The following EEPD1 variants were observed in gnomAD, a reference collection of about 807,000 sequenced individuals.
EEPD1 encodes endonuclease/exonuclease/phosphatase family domain containing 1.
A neutral mutation model predicts 46.3 loss-of-function variants in EEPD1; 17 were observed. The observed-to-expected ratio is 0.37, with a 90% CI of 0.25 to 0.55. The LOEUF is 0.55. Ranked by LOEUF, EEPD1 falls within the 20% of genes least tolerant of loss-of-function variation. EEPD1 has a pLI of 0.83. For synonymous variants in EEPD1, 313 were observed against 315.6 expected, an observed-to-expected ratio of 0.99 and a Z score of 0.09; for missense variants, 673 against 745.6, an observed-to-expected ratio of 0.90 and a Z score of 1.13.
intron 2 of EEPD1, among the ~76,000 whole-genome samples, chr7:36,196,992 G>A (rs377233960): frequency 0.22 from 31,985 of 144,190 alleles, 4,166 homozygotes; most frequent in Non-Finnish European, 0.31. Context: ...GCCCCCCATC[G>A]TCTGAGATGT....
chr7:36,294,446 GA>G (rs1279341326), intron 6 of EEPD1, among the ~76,000 whole-genome samples: 2 of 152,044 alleles, frequency 1.3e-5, no homozygotes, highest in East Asian at 3.8e-4. Context: ...TTATTTGCAT[GA>G]AAAAATAAAA....
chr7:36,278,873 C>G (rs963842786), intron 3 of EEPD1, among the ~76,000 whole-genome samples: 2 of 152,184 alleles, frequency 1.3e-5, no homozygotes, highest in Non-Finnish European at 2.9e-5. Flanking sequence ...TCCGCCTTCC[C>G]CACTCCCTCG....
At chr7:36,259,103 C>T (rs763422372) in intron 3 of EEPD1, among the ~76,000 whole-genome samples, 1 of 152,162 alleles carries the variant, frequency 6.6e-6, no homozygotes, top group Non-Finnish European at 1.5e-5. Flanking sequence ...GGAGGGAGTT[C>T]CCGGACCCCT....
chr7:36,282,909 A>ATTATCTATGTG (rs1787282789), intron 4 of EEPD1, among the ~76,000 whole-genome samples: 1 of 152,226 alleles, frequency 6.6e-6, no homozygotes, highest in Non-Finnish European at 1.5e-5. Flanking sequence ...TAATCCAAAA[A>ATTATCTATGTG]AATTTAAACA....
At chr7:36,229,930 C>T (rs1015712643) in intron 2 of EEPD1, among the ~76,000 whole-genome samples, 3 of 152,052 alleles carry the variant, frequency 2.0e-5, no homozygotes, top group South Asian at 2.1e-4. Context: ...TCCTGATGTC[C>T]AAATCTATAG....
chr7:36,212,271 T>C (rs187712024), intron 2 of EEPD1, among the ~76,000 whole-genome samples: 2 of 152,022 alleles, frequency 1.3e-5, no homozygotes, highest in Admixed American at 1.3e-4. Context: ...TCTAAATTGC[T>C]GGGGGGAGTG....
At chr7:36,178,857 CTT>C (rs970549802) in intron 2 of EEPD1, among the ~76,000 whole-genome samples, 5 of 152,322 alleles carry the variant, frequency 3.3e-5, no homozygotes, top group African/African-American at 1.2e-4. Flanking sequence ...AGGGAGATAA[CTT>C]AATCCAAGGC....
At chr7:36,203,287 G>A (rs982782630) in intron 2 of EEPD1, among the ~76,000 whole-genome samples, 8 of 152,166 alleles carry the variant, frequency 5.3e-5, no homozygotes, top group African/African-American at 1.7e-4. Context: ...CACACAGAAG[G>A]GAAGTAGCTC....
intron 2 of EEPD1, among the ~76,000 whole-genome samples, chr7:36,182,232 G>A (rs1245924545): frequency 6.6e-6 from 1 of 152,180 alleles, no homozygotes; most frequent in Non-Finnish European, 1.5e-5. Context: ...GTTCTATAGT[G>A]TTCAGAGCAA....
Position 36,198,927 on chromosome 7 carries a change from T to C in EEPD1, c.879-40058T>C, listed in dbSNP as rs561970819. Among the ~76,000 whole-genome samples the C allele has an allele frequency of 9.9e-4, 150 of 152,066 alleles. 2 individuals are homozygous for C. Among genetic ancestry groups the C allele is most frequent in the African/African-American group, 3.4e-3 (139 of 41,474 alleles). ...CAGCTGGTGGGAGGAGGTGCTCTTC[T>C]AGATATGCAGACAGCCCTCTACAGG... is the stretch of plus-strand genomic sequence containing the variant. On this transcript the variant is annotated intron_variant, in intron 2 of 7. Transcript: ENST00000242108.
At chr7:36,260,590 C>T (rs1038340180) in intron 3 of EEPD1, among the ~76,000 whole-genome samples, 9 of 152,164 alleles carry the variant, frequency 5.9e-5, no homozygotes, top group Non-Finnish European at 1.3e-4. Flanking sequence ...GAGGGGATTT[C>T]TAAGGCATTA....
intron 3 of EEPD1, among the ~76,000 whole-genome samples, chr7:36,269,530 AG>A (rs995478563): frequency 2.5e-4 from 38 of 152,018 alleles, no homozygotes; most frequent in African/African-American, 9.2e-4. Flanking sequence ...ATATGTTTTG[AG>A]GGGTTAATGT....
intron 7 of EEPD1, 60 bp downstream of exon 7, chr7:36,297,247 T>A (rs1248940327): frequency 6.4e-7 from 1 of 1,572,286 alleles, no homozygotes; most frequent in African/African-American, 1.4e-5. Context: ...GAAACATGTC[T>A]GAACTGACAG....
At chr7:36,191,189 T>A (rs1468152045) in intron 2 of EEPD1, among the ~76,000 whole-genome samples, 2 of 152,208 alleles carry the variant, frequency 1.3e-5, no homozygotes, top group East Asian at 3.8e-4. Context: ...CAAGCATTGT[T>A]ATCTTGGATG....
intron 2 of EEPD1, among the ~76,000 whole-genome samples, chr7:36,168,711 T>C (rs893059213): frequency 1.3e-5 from 2 of 151,234 alleles, no homozygotes; most frequent in African/African-American, 4.9e-5. Context: ...TGAGCGAAGA[T>C]TGTGCCACTG....
At chr7:36,209,659 TGTTTAG>T (rs1314186033) in intron 2 of EEPD1, among the ~76,000 whole-genome samples, 3 of 151,266 alleles carry the variant, frequency 2.0e-5, no homozygotes, top group African/African-American at 7.3e-5. Context: ...TGGCTGCACA[TGTTTAG>T]GGCCAATTAT....
intron 1 of EEPD1, among the ~76,000 whole-genome samples, 197 bp from the exon 2 acceptor site, chr7:36,153,936 G>A (rs541767218): frequency 2.0e-5 from 3 of 152,224 alleles, no homozygotes; most frequent in East Asian, 1.9e-4. Flanking sequence ...AGCCTTTTTG[G>A]ACTCCAGTGT....
intron 2 of EEPD1, among the ~76,000 whole-genome samples, chr7:36,161,313 A>G (rs1784898384): frequency 6.6e-6 from 1 of 152,154 alleles, no homozygotes; most frequent in African/African-American, 2.4e-5. Context: ...TATTTCCAGG[A>G]TGATGTGTGG....
chr7:36,199,400 A>G (rs1031539362), intron 2 of EEPD1, among the ~76,000 whole-genome samples: 1 of 152,152 alleles, frequency 6.6e-6, no homozygotes, highest in Non-Finnish European at 1.5e-5. Flanking sequence ...GATTATTGGC[A>G]TGGCCTGAGA....
Sources: allele counts gnomAD v4.1 joint callset (sites outside exome capture counted in the v4.1 genomes callset), GRCh38; gene constraint gnomAD v4.1.1; transcripts MANE v1.5; gene names NCBI Gene and HGNC (gene_info 2026-07-23, HGNC 2026-07-21).